The following FUBP3 variants were observed in gnomAD, a reference collection of about 807,000 sequenced individuals.
The protein encoded by FUBP3 is far upstream element binding protein 3.
In FUBP3, 28 loss-of-function variants were observed where a neutral mutation model predicts 85.6. The ratio of observed to expected loss-of-function variants is 0.33; its 90% CI spans 0.24 to 0.45. FUBP3 has a LOEUF of 0.45. FUBP3 is among the 20% of genes least tolerant of loss of function. FUBP3 has a pLI of 1.00. For synonymous variants in FUBP3, 271 were observed against 271.4 expected, an observed-to-expected ratio of 1.00 and a Z score of 0.01; for missense variants, 583 against 755.1, an observed-to-expected ratio of 0.77 and a Z score of 2.67.
intron 1 of FUBP3, among the ~76,000 whole-genome samples, chr9:130,593,833 A>T (rs905472724): frequency 6.6e-6 from 1 of 152,250 alleles, no homozygotes. Context: ...TAAATGAAAG[A>T]GTTGCTTTAT....
chr9:130,593,636 G>T (rs1830731099), intron 1 of FUBP3, among the ~76,000 whole-genome samples: 1 of 152,134 alleles, frequency 6.6e-6, no homozygotes, highest in South Asian at 2.1e-4. Context: ...TTGTTTATTT[G>T]TTTCAGGTAA....
At chr9:130,611,189 G>A (rs770263170) in intron 3 of FUBP3, among the ~76,000 whole-genome samples, 3 of 152,188 alleles carry the variant, frequency 2.0e-5, no homozygotes, top group Non-Finnish European at 2.9e-5. Context: ...TTTTCTGAGA[G>A]TAGACAGAAT....
intron 5 of FUBP3, 105 bp downstream of exon 5, chr9:130,613,132 A>G: frequency 1.4e-6 from 1 of 703,422 alleles, no homozygotes; most frequent in East Asian, 2.7e-5. Context: ...ATATGCGATT[A>G]GTGTTTTCCT....
chr9:130,596,005 C>A (rs984327702), intron 2 of FUBP3, among the ~76,000 whole-genome samples: 7 of 152,214 alleles, frequency 4.6e-5, no homozygotes, highest in African/African-American at 1.7e-4. Context: ...GAATGGTGAC[C>A]TTTCTGCAGT....
At chr9:130,594,126 C>T (rs1380794578) in intron 1 of FUBP3, among the ~76,000 whole-genome samples, 2 of 152,002 alleles carry the variant, frequency 1.3e-5, no homozygotes, top group Non-Finnish European at 2.9e-5. Flanking sequence ...GGGTGTATTC[C>T]TAAAGAATTG....
rs190578014 is a variant in FUBP3, at chr9:130,632,143, G to T, written c.1434-59G>T. ...GGTGAGGGAGGTGAGCAGTGAAGAGGGAGACGACAGGGGTGACTTGCCCCC... is the reference window on the plus strand; with the variant it reads ...GGTGAGGGAGGTGAGCAGTGAAGAGTGAGACGACAGGGGTGACTTGCCCCC... On this transcript the variant is annotated intron_variant, in intron 15 of 18. Transcript: ENST00000319725. 167 of 1,493,728 alleles carry T rather than the reference G, an allele frequency of 1.1e-4. 1 individual carries two copies. The Admixed American group carries it at 2.6e-3, about 23-fold the overall frequency. The allele number at this position is 1,493,728 out of a possible 1,614,324, so 92.5% of individuals were successfully genotyped here.
chr9:130,622,343 G>A (rs868521131), intron 9 of FUBP3, among the ~76,000 whole-genome samples: 1,808 of 124,538 alleles, frequency 0.015, 40 homozygotes, highest in African/African-American at 0.055. Context: ...AAAAAAAAAA[G>A]TGTCCTGGCC....
chr9:130,620,886 A>G (rs118104937), intron 9 of FUBP3, among the ~76,000 whole-genome samples: 600 of 152,338 alleles, frequency 3.9e-3, no homozygotes, highest in Middle Eastern at 6.8e-3. Context: ...GCTCAGTGCA[A>G]TAAGACAGAT....
At chr9:130,630,513 A>G (rs1251587074) in intron 12 of FUBP3, 115 bp from the exon 13 acceptor site, 5 of 726,212 alleles carry the variant, frequency 6.9e-6, no homozygotes, top group Non-Finnish European at 1.1e-5. Flanking sequence ...CTGTCAGGGC[A>G]AGTGCCGACG....
intron 16 of FUBP3, among the ~76,000 whole-genome samples, chr9:130,633,918 G>A (rs1175771019): frequency 2.0e-5 from 3 of 152,168 alleles, no homozygotes; most frequent in Non-Finnish European, 2.9e-5. Flanking sequence ...TACAGGAGAC[G>A]AGACAGTGAG....
intron 8 of FUBP3, among the ~76,000 whole-genome samples, chr9:130,618,700 G>A (rs1397684034): frequency 6.6e-6 from 1 of 152,238 alleles, no homozygotes; most frequent in African/African-American, 2.4e-5. Context: ...GCTCCTTGGT[G>A]AGCCAGGCCA....
At chr9:130,604,856 C>T (rs895052093) in intron 2 of FUBP3, among the ~76,000 whole-genome samples, 4 of 151,640 alleles carry the variant, frequency 2.6e-5, no homozygotes, top group African/African-American at 9.7e-5. Flanking sequence ...CGAGATCGTG[C>T]CACTGCACTC....
intron 2 of FUBP3, among the ~76,000 whole-genome samples, chr9:130,607,138 T>G (rs1253105989): frequency 1.0e-5 from 1 of 99,160 alleles, no homozygotes; most frequent in African/African-American, 6.1e-5. Flanking sequence ...AATTTGTGTA[T>G]TTTTTTTTTT....
intron 2 of FUBP3, among the ~76,000 whole-genome samples, chr9:130,606,594 G>A (rs1226305731): frequency 6.6e-6 from 1 of 152,094 alleles, no homozygotes; most frequent in Non-Finnish European, 1.5e-5. Flanking sequence ...GCTAAAGTGG[G>A]CGGATCACCT....
At chr9:130,629,395 G>T (rs751980731) in intron 12 of FUBP3, among the ~76,000 whole-genome samples, 3 of 152,172 alleles carry the variant, frequency 2.0e-5, no homozygotes, top group Non-Finnish European at 4.4e-5. Flanking sequence ...TTCTGCATGC[G>T]ACCTTATCTG....
At chr9:130,624,287 C>A (rs1207704112) in intron 11 of FUBP3, among the ~76,000 whole-genome samples, 2 of 152,244 alleles carry the variant, frequency 1.3e-5, no homozygotes, top group Non-Finnish European at 2.9e-5. Context: ...TGCCTTTGAA[C>A]CTCTGGGTCT....
At chr9:130,620,251 CT>C in intron 8 of FUBP3, 102 bp from the exon 9 acceptor site, 2 of 662,518 alleles carry the variant, frequency 3.0e-6, no homozygotes, top group South Asian at 1.9e-5. Context: ...AGCTGAGCGC[CT>C]TTAAACCCAA....
In FUBP3 at chr9:130,629,710, G is replaced by A. The variant is rs553906691; in HGVS notation, c.1118-918G>A. Among the ~76,000 whole-genome samples the A allele has an allele frequency of 1.6e-4, 24 of 152,282 alleles. 1 individual carries two copies. The highest frequency in any genetic ancestry group is 9.2e-4 in the Admixed American group (14 of 15,298). On this transcript the variant is annotated intron_variant, in intron 12 of 18. Coordinates refer to ENST00000319725, the MANE Select transcript of FUBP3 (RefSeq NM_003934.2). The stretch of plus-strand genomic sequence containing the variant: ...TGGAGGAGGGGCCGACACTGGCCCC[G>A]GTCTTTGCTTTTGATCACCCAGGCT...
Position 130,635,822 on chromosome 9 carries a change from G to T in FUBP3, c.1583-177G>T. 1.6e-6 allele frequency: 1 copy of T among 629,294 alleles called. No individual in the cohort carries two copies. The highest frequency in any genetic ancestry group is 2.8e-6 in the Non-Finnish European group (1 of 362,034). The allele number at this position is 629,294 out of a possible 1,614,324, so 39.0% of individuals were successfully genotyped here. ...CATAGCAGGGGCCGGGCAACAAGAG[G>T]CTAACAGCACCTTTTGTAGCAAGCG... On this transcript the variant is annotated intron_variant, in intron 17 of 18. Coordinates refer to ENST00000319725, the MANE Select transcript of FUBP3 (RefSeq NM_003934.2). The surrounding 1 kb of genome is among the most constrained non-coding windows in gnomAD (Gnocchi z 4.3).
Sources: gnomAD v4.1 joint callset for allele counts (sites outside exome capture counted in the v4.1 genomes callset) on GRCh38, gnomAD v4.1.1 for gene constraint, Gnocchi (gnomAD v3.1) non-coding constraint, MANE v1.5 for transcripts, NCBI Gene and HGNC (gene_info 2026-07-23, HGNC 2026-07-21) for gene names.